The following SYNPR variants were observed in gnomAD, a reference collection of about 807,000 sequenced individuals.
The protein encoded by SYNPR is synaptoporin.
SYNPR carries 23 observed loss-of-function variants against 32.9 expected under a neutral mutation model. The observed-to-expected ratio is 0.70, with a 90% CI of 0.50 to 0.99. The LOEUF (loss-of-function observed/expected upper bound fraction) is 0.99, where lower values mean the gene tolerates loss of function less well. Among genes scored for constraint, SYNPR ranks in the 50% least tolerant of loss-of-function variants. The pLI, the probability that SYNPR is intolerant of heterozygous loss-of-function variation, is 0.00. For missense variants in SYNPR, 318 were observed against 349.3 expected, an observed-to-expected ratio of 0.91 and a Z score of 0.71; for synonymous variants, 146 against 135.9, an observed-to-expected ratio of 1.07 and a Z score of -0.52.
chr3:63,311,628 A>G (rs1017226280), intron 2 of SYNPR, among the ~76,000 whole-genome samples: 3 of 152,008 alleles, frequency 2.0e-5, no homozygotes, highest in African/African-American at 7.2e-5. Flanking sequence ...CCATGAAACC[A>G]GTCCCTGGTG....
chr3:63,490,729 C>A (rs1299502778), intron 3 of SYNPR, among the ~76,000 whole-genome samples: 4 of 151,986 alleles, frequency 2.6e-5, no homozygotes, highest in African/African-American at 9.7e-5. Context: ...GGTTCATGGG[C>A]ACCCCTTGGA....
intron 5 of SYNPR, among the ~76,000 whole-genome samples, chr3:63,614,238 T>G (rs909742269): frequency 6.6e-6 from 1 of 152,252 alleles, no homozygotes; most frequent in Non-Finnish European, 1.5e-5. Flanking sequence ...TACTGTTACC[T>G]GTCTCCATTA....
chr3:63,444,563 T>C (rs890288636), intron 2 of SYNPR, among the ~76,000 whole-genome samples: 1 of 152,164 alleles, frequency 6.6e-6, no homozygotes. Context: ...CTATACATTT[T>C]TCAGAGATTT....
At chr3:63,391,603 G>C (rs755191880) in intron 2 of SYNPR, among the ~76,000 whole-genome samples, 1 of 152,042 alleles carries the variant, frequency 6.6e-6, no homozygotes, top group Non-Finnish European at 1.5e-5. Flanking sequence ...AATTGTCATA[G>C]GTATGATACA....
At chr3:63,314,020 CAT>C (rs377600145) in intron 2 of SYNPR, among the ~76,000 whole-genome samples, 25 of 4,868 alleles carry the variant, frequency 5.1e-3, no homozygotes, top group Non-Finnish European at 6.4e-3. Flanking sequence ...TATATATATC[CAT>C]ATATATATAT....
At chr3:63,565,466 G>A (rs1304685201) in intron 4 of SYNPR, among the ~76,000 whole-genome samples, 3 of 152,200 alleles carry the variant, frequency 2.0e-5, no homozygotes, top group South Asian at 2.1e-4. Context: ...GCGTCCTCAC[G>A]TGGTAGAAGG....
At chr3:63,510,090 G>A (rs1701668912) in intron 3 of SYNPR, among the ~76,000 whole-genome samples, 1 of 152,110 alleles carries the variant, frequency 6.6e-6, no homozygotes, top group South Asian at 2.1e-4. Context: ...TGGTGAGTAT[G>A]TGGCAGTAGA....
intron 4 of SYNPR, among the ~76,000 whole-genome samples, chr3:63,574,066 A>G (rs946226951): frequency 2.0e-5 from 3 of 152,150 alleles, no homozygotes; most frequent in Non-Finnish European, 4.4e-5. Flanking sequence ...ATGACTATTT[A>G]ACATTTACAG....
chr3:63,494,131 G>A (rs915872819), intron 3 of SYNPR, among the ~76,000 whole-genome samples: 2 of 150,992 alleles, frequency 1.3e-5, no homozygotes, highest in African/African-American at 2.4e-5. Context: ...AAAACAAATG[G>A]ATGTTTTTAT....
At chr3:63,492,806 G>C (rs1215543950) in intron 3 of SYNPR, among the ~76,000 whole-genome samples, 1 of 151,994 alleles carries the variant, frequency 6.6e-6, no homozygotes, top group Non-Finnish European at 1.5e-5. Flanking sequence ...AAACATTACT[G>C]TTTTCAAAGT....
intron 5 of SYNPR, among the ~76,000 whole-genome samples, chr3:63,611,033 A>G (rs545649171): frequency 3.2e-4 from 48 of 152,194 alleles, no homozygotes; most frequent in Non-Finnish European, 6.0e-4. Flanking sequence ...ACTCAATTCA[A>G]ACTGGCTAAG....
chr3:63,295,743 G>A (rs1347145160), intron 2 of SYNPR, among the ~76,000 whole-genome samples: 1 of 152,210 alleles, frequency 6.6e-6, no homozygotes, highest in Non-Finnish European at 1.5e-5. Flanking sequence ...GATCTTATTT[G>A]TATAAATCGA....
intron 3 of SYNPR, among the ~76,000 whole-genome samples, chr3:63,509,254 C>T (rs1256500554): frequency 7.3e-6 from 1 of 136,162 alleles, no homozygotes; most frequent in Non-Finnish European, 1.5e-5. Context: ...CACATACACA[C>T]ACAATTAAGG....
At chr3:63,432,192 A>ATTCT (rs1423773703) in intron 2 of SYNPR, among the ~76,000 whole-genome samples, 1 of 152,190 alleles carries the variant, frequency 6.6e-6, no homozygotes, top group African/African-American at 2.4e-5. Context: ...TCATGGATGC[A>ATTCT]TTCTTTATCA....
At chr3:63,241,507 A>C (rs1028487683) in intron 1 of SYNPR, among the ~76,000 whole-genome samples, 1 of 152,100 alleles carries the variant, frequency 6.6e-6, no homozygotes, top group Admixed American at 6.6e-5. Context: ...ACTTTTAATC[A>C]ATGAGATTTG....
At chr3:63,375,034 AC>A (rs1431255410) in intron 2 of SYNPR, among the ~76,000 whole-genome samples, 1 of 152,196 alleles carries the variant, frequency 6.6e-6, no homozygotes, top group African/African-American at 2.4e-5. Context: ...ACCATCTCAC[AC>A]CAGTTAGAAT....
At chr3:63,575,707 T>A (rs1702966220) in intron 4 of SYNPR, among the ~76,000 whole-genome samples, 2 of 152,112 alleles carry the variant, frequency 1.3e-5, no homozygotes, top group Non-Finnish European at 2.9e-5. Context: ...GTTTTCTCAG[T>A]GGATAGAAAG....
At chr3:63,342,215 T>C (rs765454706) in intron 2 of SYNPR, among the ~76,000 whole-genome samples, 3 of 152,232 alleles carry the variant, frequency 2.0e-5, no homozygotes, top group Admixed American at 6.5e-5. Context: ...GTTCCATTTA[T>C]CTGTTTGCCT....
At chr3:63,302,475 G>T (rs543927590) in intron 2 of SYNPR, among the ~76,000 whole-genome samples, 2 of 152,150 alleles carry the variant, frequency 1.3e-5, no homozygotes, top group Admixed American at 6.6e-5. Context: ...ATTATAAGTT[G>T]CAGAAACAGG....
Sources: gnomAD v4.1 joint callset for allele counts (sites outside exome capture counted in the v4.1 genomes callset) on GRCh38, gnomAD v4.1.1 for gene constraint, MANE v1.5 for transcripts, NCBI Gene and HGNC (gene_info 2026-07-23, HGNC 2026-07-21) for gene names.